The following COL25A1 variants were observed in gnomAD, a reference collection of about 807,000 sequenced individuals.
The protein encoded by COL25A1 is collagen type XXV alpha 1 chain, also known as collagen alpha-1(XXV) chain.
In COL25A1, 103 loss-of-function variants were observed where a neutral mutation model predicts 128.4. That is an observed-to-expected ratio of 0.80 (90% CI 0.68 to 0.94). The LOEUF (loss-of-function observed/expected upper bound fraction) is 0.94. Among genes scored for constraint, COL25A1 ranks in the 40% least tolerant of loss-of-function variants. COL25A1 has a pLI of 0.00. For missense variants in COL25A1, 745 were observed against 840.0 expected, an observed-to-expected ratio of 0.89 and a Z score of 1.40; for synonymous variants, 279 against 277.2, an observed-to-expected ratio of 1.01 and a Z score of -0.06.
At chr4:108,840,600 G>C (rs1041760086) in intron 31 of COL25A1, among the ~76,000 whole-genome samples, 2 of 152,164 alleles carry the variant, frequency 1.3e-5, no homozygotes, top group African/African-American at 2.4e-5. Context: ...CTCCCCAGAG[G>C]AGACAGTGGC....
intron 3 of COL25A1, among the ~76,000 whole-genome samples, chr4:109,145,314 G>A (rs750792472): frequency 4.6e-5 from 7 of 152,058 alleles, no homozygotes; most frequent in East Asian, 1.9e-4. Flanking sequence ...TGATCTGCCC[G>A]CCTCGGTCTC....
chr4:108,896,746 A>C (rs372586217), intron 15 of COL25A1, 35 bp from the exon 16 acceptor site: 155 of 1,566,928 alleles, frequency 9.9e-5, no homozygotes, highest in Non-Finnish European at 1.3e-4. Flanking sequence ...TGTAAAATAC[A>C]TTGGTGACGT....
intron 3 of COL25A1, among the ~76,000 whole-genome samples, chr4:109,220,759 G>A (rs1314344489): frequency 2.0e-5 from 3 of 152,042 alleles, no homozygotes; most frequent in African/African-American, 4.8e-5. Flanking sequence ...AGAGCACATG[G>A]AAACAATTTT....
chr4:109,223,680 C>G (rs746598117), intron 3 of COL25A1, among the ~76,000 whole-genome samples: 4 of 151,582 alleles, frequency 2.6e-5, no homozygotes, highest in Non-Finnish European at 5.9e-5. Context: ...AGTCAGAACT[C>G]CTTGGAGTAC....
chr4:109,271,795 A>AT (rs1782215145), intron 3 of COL25A1, among the ~76,000 whole-genome samples: 1 of 152,356 alleles, frequency 6.6e-6, no homozygotes, highest in South Asian at 2.1e-4. Context: ...AAAAAAGTGT[A>AT]TAATTTTATA....
At chr4:108,988,916 CT>C (rs994798807) in intron 6 of COL25A1, among the ~76,000 whole-genome samples, 2 of 152,290 alleles carry the variant, frequency 1.3e-5, no homozygotes, top group African/African-American at 4.8e-5. Context: ...TCATTTCTGT[CT>C]TTTCTTCCCC....
intron 3 of COL25A1, among the ~76,000 whole-genome samples, chr4:109,290,806 G>A (rs35618439): frequency 0.031 from 4,663 of 152,090 alleles, 154 homozygotes; most frequent in South Asian, 0.17. Flanking sequence ...GAAAGTTTAC[G>A]AATTTGTGTT....
intron 3 of COL25A1, among the ~76,000 whole-genome samples, chr4:109,199,923 A>G (rs561295906): frequency 1.3e-5 from 2 of 152,334 alleles, no homozygotes; most frequent in Admixed American, 6.5e-5. Flanking sequence ...GACCTATTAC[A>G]TAATATACAT....
chr4:108,843,237 TCAA>T (rs1159858770), intron 30 of COL25A1, among the ~76,000 whole-genome samples: 1 of 150,016 alleles, frequency 6.7e-6, no homozygotes, highest in Non-Finnish European at 1.5e-5. Context: ...GAAAATAAGG[TCAA>T]TAATAATTGT....
At chr4:109,069,968 A>C (rs936335563) in intron 3 of COL25A1, among the ~76,000 whole-genome samples, 6 of 127,256 alleles carry the variant, frequency 4.7e-5, no homozygotes, top group Non-Finnish European at 7.2e-5. Flanking sequence ...AAGAGCAATA[A>C]TTTTTTTTTT....
At chr4:109,197,481 ATATATTATATATAAATATATAT>A (rs1222407611) in intron 3 of COL25A1, among the ~76,000 whole-genome samples, 3 of 127,290 alleles carry the variant, frequency 2.4e-5, no homozygotes, top group Admixed American at 9.7e-5. Context: ...AATATATATT[ATATATTATATATAAATATATAT>A]TATATAATAT....
In COL25A1 at chr4:109,137,886, G is replaced by C. The variant is rs986802670; in HGVS notation, c.368-87707C>G. Reference sequence around the variant, plus strand: ...ATCTGAAAGAAGAAGGCATGAAGTTGAAGCATGTTTGGTTATTATCACCCC... The same window carrying C: ...ATCTGAAAGAAGAAGGCATGAAGTTCAAGCATGTTTGGTTATTATCACCCC... On this transcript the variant is annotated intron_variant, in intron 3 of 37. Coordinates refer to ENST00000399132, the MANE Select transcript of COL25A1 (RefSeq NM_198721.4). Among the ~76,000 whole-genome samples, 10 of 152,044 alleles carry C rather than the reference G, an allele frequency of 6.6e-5. 1 individual carries two copies. The South Asian group carries it at 8.3e-4, about 13-fold the overall frequency.
intron 3 of COL25A1, among the ~76,000 whole-genome samples, chr4:109,150,701 C>G (rs940033173): frequency 6.6e-6 from 1 of 152,066 alleles, no homozygotes; most frequent in South Asian, 2.1e-4. Flanking sequence ...TGACAAATTT[C>G]AATGCTGGAA....
chr4:109,268,735 C>G (rs939594689), intron 3 of COL25A1, among the ~76,000 whole-genome samples: 2 of 152,068 alleles, frequency 1.3e-5, no homozygotes, highest in Non-Finnish European at 2.9e-5. Context: ...AATCGAGATG[C>G]CTTGAGGCAC....
rs375206355 is a variant in COL25A1 at position 109,167,577 on chromosome 4, A to G, written c.368-117398T>C. On this transcript the variant is annotated intron_variant, in intron 3 of 37. Coordinates refer to ENST00000399132, the MANE Select transcript of COL25A1 (RefSeq NM_198721.4). ...TACATTTGTAACTGTAATTGAAGTGATAAGATTTCACCCAGCTCTCTATTT... is the reference window on the plus strand; with the variant it reads ...TACATTTGTAACTGTAATTGAAGTGGTAAGATTTCACCCAGCTCTCTATTT... 1.6e-4 allele frequency among the ~76,000 whole-genome samples: 24 copies of G among 152,126 alleles called. 1 individual carries two copies. Among genetic ancestry groups the G allele is most frequent in the East Asian group, 1.3e-3 (7 of 5,194 alleles).
intron 3 of COL25A1, among the ~76,000 whole-genome samples, chr4:109,264,460 A>T (rs771527774): frequency 2.6e-4 from 39 of 152,258 alleles, no homozygotes; most frequent in Non-Finnish European, 4.7e-4. Flanking sequence ...ACTGGTTGGC[A>T]GAACTAAAGG....
At chr4:108,937,280 G>A (rs1747536616) in intron 11 of COL25A1, among the ~76,000 whole-genome samples, 2 of 152,058 alleles carry the variant, frequency 1.3e-5, no homozygotes, top group Admixed American at 1.3e-4. Context: ...ACAATTCATG[G>A]GGAACTGGGA....
At chr4:109,108,276 C>A (rs1012201349) in intron 3 of COL25A1, among the ~76,000 whole-genome samples, 2 of 152,010 alleles carry the variant, frequency 1.3e-5, no homozygotes, top group Non-Finnish European at 2.9e-5. Flanking sequence ...TGAGAATATG[C>A]GGTGTTTGGT....
At chr4:109,164,676 C>G (rs988612864) in intron 3 of COL25A1, among the ~76,000 whole-genome samples, 1 of 152,036 alleles carries the variant, frequency 6.6e-6, no homozygotes, top group African/African-American at 2.4e-5. Context: ...AGGGTGCATG[C>G]TTTATAAAAG....
Sources: allele counts gnomAD v4.1 joint callset (sites outside exome capture counted in the v4.1 genomes callset), GRCh38; gene constraint gnomAD v4.1.1; transcripts MANE v1.5; gene names NCBI Gene and HGNC (gene_info 2026-07-23, HGNC 2026-07-21).